The following MYO15B variants were observed in gnomAD, a reference collection of about 807,000 sequenced individuals.
MYO15B encodes the protein myosin XVB.
MYO15B carries 207 observed loss-of-function variants against 119.3 expected under a neutral mutation model. The ratio of observed to expected loss-of-function variants is 1.73; its 90% CI spans 1.55 to 1.95. MYO15B has a LOEUF of 1.95. MYO15B is among the 30% of genes most tolerant of loss of function. The pLI is 0.00. For synonymous variants in MYO15B, 966 were observed against 498.9 expected (o/e 1.94, Z -12.48); for missense variants, 2,264 against 1,203.1 (o/e 1.88, Z -13.04).
chr17:75,600,377 CA>C (rs2057181462), intron 14 of MYO15B, among the ~76,000 whole-genome samples: 1 of 150,630 alleles, frequency 6.6e-6, no homozygotes, highest in African/African-American at 2.4e-5. Flanking sequence ...ATTGTGGGAC[CA>C]TTCTCCCAGG....
chr17:75,603,345 AG>A, intron 19 of MYO15B, 33 bp downstream of exon 19: 2 of 701,560 alleles, frequency 2.9e-6, no homozygotes, highest in South Asian at 3.0e-5. Flanking sequence ...AGGACTGACA[AG>A]GAGGCCACCG....
At chr17:75,620,802 C>T (rs752672031) in intron 49 of MYO15B, 166 bp downstream of exon 49, 1 of 701,820 alleles carries the variant, frequency 1.4e-6, no homozygotes. Context: ...GTCTCTCCAG[C>T]AAGACTGTGC....
exon 50 of MYO15B, chr17:75,621,114 C>T (rs558817550): frequency 3.3e-5 from 23 of 702,792 alleles, no homozygotes; most frequent in South Asian, 7.4e-5. Flanking sequence ...CCTTTCTGCC[C>T]GACTCCCACA....
chr17:75,596,637 G>C, intron 13 of MYO15B, 82 bp downstream of exon 13: 1 of 691,534 alleles, frequency 1.4e-6, no homozygotes, highest in African/African-American at 1.8e-5. Context: ...GGAAAGTTGG[G>C]AACTGAGAGC....
In MYO15B at chr17:75,619,341, G is replaced by A. The variant is rs372960887; in HGVS notation, c.7064-17G>A. On this transcript the variant is annotated splice_polypyrimidine_tract_variant and intron_variant, in intron 44 of 63. Transcript: ENST00000645453. Reference sequence around the variant, plus strand: ...TCTGTGTGAGCAGAGGGCAGCCTGGGTCCTTCCTGCCCACAGGAGGCTTGG... The same window carrying A: ...TCTGTGTGAGCAGAGGGCAGCCTGGATCCTTCCTGCCCACAGGAGGCTTGG... The A allele has an allele frequency of 1.7e-3, 1,174 of 702,588 alleles. 13 individuals are homozygous for A. The highest frequency in any genetic ancestry group is 0.013 in the South Asian group (892 of 67,590). The allele number at this position is 702,588 out of a possible 1,614,324, so 43.5% of individuals were successfully genotyped here.
rs186512072 is a variant in MYO15B, at chr17:75,590,107, G to A, written c.2050G>A (p.Asp684Asn). 246 of 399,056 alleles carry A rather than the reference G, an allele frequency of 6.2e-4. 1 individual carries two copies. In the East Asian group the frequency reaches 8.4e-3, roughly 14 times the overall value. The allele number at this position is 399,056 out of a possible 1,614,324, so 24.7% of individuals were successfully genotyped here. Residue 684 changes from aspartate (D) to asparagine (N), a missense_variant, in exon 1 of 64, where the codon GAT becomes AAT. Coordinates refer to ENST00000645453, the Ensembl canonical transcript of MYO15B. ...CCTGAGGGAGCTGTGGGAACCCGAG[G>A]ATGAGGACGAGGCGGTGCTGGAGAG...
intron 9 of MYO15B, among the ~76,000 whole-genome samples, chr17:75,593,197 T>TAAAAAA (rs5822094): frequency 2.7e-5 from 2 of 74,230 alleles, no homozygotes; most frequent in Admixed American, 2.1e-4. Context: ...CCGTCTCTAT[T>TAAAAAA]AAAAAAAAAA....
At chr17:75,609,580 T>C (rs1422513029) in intron 21 of MYO15B, among the ~76,000 whole-genome samples, 2 of 150,180 alleles carry the variant, frequency 1.3e-5, no homozygotes, top group African/African-American at 4.9e-5. Context: ...AGTCAGATCT[T>C]AATCCCTCAG....
chr17:75,610,765 C>T (rs2057975390), intron 22 of MYO15B, 135 bp from the exon 23 acceptor site: 6 of 641,994 alleles, frequency 9.3e-6, no homozygotes, highest in Non-Finnish European at 1.7e-5. Context: ...GTGGCTGGCC[C>T]CTCCTGATCT....
intron 43 of MYO15B, 141 bp from the exon 44 acceptor site, chr17:75,619,002 C>T: frequency 1.6e-6 from 1 of 632,060 alleles, no homozygotes; most frequent in Non-Finnish European, 2.8e-6. Context: ...CCCACCTAGG[C>T]CCTCTGCTGA....
chr17:75,595,024 G>A, intron 12 of MYO15B, 52 bp downstream of exon 12: 1 of 692,050 alleles, frequency 1.4e-6, no homozygotes, highest in Non-Finnish European at 2.6e-6. Context: ...TAATTCCGAT[G>A]GATTTCTGGG....
intron 52 of MYO15B, 109 bp from the exon 53 acceptor site, chr17:75,621,893 TGA>T: frequency 1.2e-5 from 8 of 644,434 alleles, no homozygotes; most frequent in Non-Finnish European, 2.3e-5. Context: ...CTATGCATTT[TGA>T]GAGTGAGGCA....
chr17:75,623,904 C>T (rs1356166554), intron 54 of MYO15B, 45 bp from the exon 55 acceptor site: 1 of 702,746 alleles, frequency 1.4e-6, no homozygotes, highest in South Asian at 1.5e-5. Context: ...GGCAGCTGGG[C>T]ACTGTGGCCT....
At chr17:75,591,535 C>G in intron 4 of MYO15B, 66 bp from the exon 5 acceptor site, 1 of 699,272 alleles carries the variant, frequency 1.4e-6, no homozygotes, top group Non-Finnish European at 2.6e-6. Flanking sequence ...CATCCCACTT[C>G]CTGGGTTCAC....
chr17:75,616,846 C>T, intron 39 of MYO15B, 28 bp from the exon 40 acceptor site: 2 of 703,080 alleles, frequency 2.8e-6, no homozygotes, highest in South Asian at 3.0e-5. Flanking sequence ...ACCCTATGAA[C>T]TTAGTGACCT....
At chr17:75,610,678 C>T (rs1598838218) in intron 22 of MYO15B, 1 of 576,758 alleles carries the variant, frequency 1.7e-6, no homozygotes, top group East Asian at 2.8e-5. Context: ...CTTCTTCCTG[C>T]CCTCTTCCCG....
chr17:75,619,542 C>T (rs2058577454), intron 45 of MYO15B, 66 bp downstream of exon 45: 2 of 688,114 alleles, frequency 2.9e-6, no homozygotes, highest in Non-Finnish European at 2.7e-6. Context: ...GGTGCATGGG[C>T]ACAGACCACA....
chr17:75,602,022 C>T (rs374404803), intron 15 of MYO15B, among the ~76,000 whole-genome samples: 16 of 152,088 alleles, frequency 1.1e-4, no homozygotes, highest in East Asian at 9.7e-4. Flanking sequence ...AAGCTGCACG[C>T]GTGCCTACCC....
intron 14 of MYO15B, among the ~76,000 whole-genome samples, chr17:75,597,493 C>T (rs820259): frequency 0.68 from 102,888 of 152,172 alleles, 35,111 homozygotes; most frequent in East Asian, 0.78. Context: ...GCTCTATCTG[C>T]AGCACGTGTT....
Sources: gnomAD v4.1 joint callset for allele counts (sites outside exome capture counted in the v4.1 genomes callset) on GRCh38, gnomAD v4.1.1 for gene constraint, MANE v1.5 for transcripts, NCBI Gene and HGNC (gene_info 2026-07-23, HGNC 2026-07-21) for gene names.